The following ZWINT variants were observed in gnomAD, a reference collection of about 807,000 sequenced individuals.
The protein encoded by ZWINT is outer kinetochore KNL1 complex subunit ZWINT.
Under a neutral mutation model 41.5 loss-of-function variants are expected in ZWINT, and 41 were observed. The ratio of observed to expected loss-of-function variants is 0.99; its 90% confidence interval spans 0.77 to 1.28. ZWINT has a LOEUF of 1.28. Ranked by LOEUF, ZWINT falls within the 50% of genes most tolerant of loss-of-function variation. The probability of loss-of-function intolerance (pLI) is 0.00; values close to 1 mark genes in which losing one functional copy is unlikely to be tolerated. For missense variants in ZWINT, 369 were observed against 329.7 expected (o/e 1.12, Z -0.92); for synonymous variants, 132 against 126.8 (o/e 1.04, Z -0.28).
intron 1 of ZWINT, 63 bp downstream of exon 1, chr10:56,361,133 C>T: frequency 1.3e-6 from 2 of 1,581,816 alleles, no homozygotes; most frequent in South Asian, 1.1e-5. Flanking sequence ...AATCATTACA[C>T]ATAGGGGCCC....
At position 56,358,841 on chromosome 10, in the gene ZWINT, T is replaced by C; in HGVS notation, c.587A>G (p.Lys196Arg). Residue 196 changes from lysine to arginine, a missense_variant, in exon 6 of 9, where the codon AAG (lysine) becomes AGG (arginine). Lys to Arg is a conservative substitution (Grantham distance 26, BLOSUM62 2). Coordinates refer to ENST00000373944, the MANE Select transcript of ZWINT (RefSeq NM_007057.4). ...GTCCCGCTCCTGTTCTGCCTGCTGC[T>C]TCAGGTTTCCAAGTTTCTGAAACAC... Reference protein sequence around the residue: ...DRVFQKLGNLKQQAEQERDKL... With the variant: ...DRVFQKLGNLRQQAEQERDKL... The C allele has an allele frequency of 6.2e-7, 1 of 1,614,092 alleles. No homozygotes were observed.
intron 5 of ZWINT, 78 bp downstream of exon 5, chr10:56,359,398 G>A (rs1838260927): frequency 5.0e-6 from 7 of 1,388,676 alleles, no homozygotes; most frequent in East Asian, 2.3e-5. Flanking sequence ...GAAGCAAAAC[G>A]GTTTTCTAGA....
At chr10:56,359,980 C>G (rs780683643) in intron 3 of ZWINT, 38 bp downstream of exon 3, 1 of 1,610,498 alleles carries the variant, frequency 6.2e-7, no homozygotes, top group Admixed American at 1.7e-5. Context: ...TCCTTCCCCA[C>G]TCAGGTCAGC....
chr10:56,359,930 T>C, intron 3 of ZWINT, 77 bp from the exon 4 acceptor site: 1 of 1,605,424 alleles, frequency 6.2e-7, no homozygotes, highest in South Asian at 1.1e-5. Flanking sequence ...CTGGGCCTCC[T>C]TCCCATCAGC....
chr10:56,360,419 C>T (rs1007574242), intron 1 of ZWINT, 36 bp from the exon 2 acceptor site: 7 of 1,567,540 alleles, frequency 4.5e-6, no homozygotes, highest in South Asian at 1.1e-5. Context: ...ATTGCAGTTT[C>T]TTGTGGTGCT....
At position 56,361,124 on chromosome 10, in the gene ZWINT, A is replaced by G. The variant is rs529648942; in HGVS notation, c.41+72T>C. 72 of 1,564,930 alleles carry G rather than the reference A, an allele frequency of 4.6e-5. 1 individual carries two copies. The African/African-American group carries it at 9.0e-4, about 20-fold the overall frequency. On this transcript the variant is annotated intron_variant, in intron 1 of 8. Transcript: ENST00000373944. ...CAGCTGTACAGGGTCGAGGGCACCA[A>G]TCATTACACATAGGGGCCCACAAGG... is the stretch of plus-strand genomic sequence containing the variant.
In ZWINT at chr10:56,358,013, A is replaced by C. The variant is rs1838210294; in HGVS notation, c.*214T>G. On this transcript the variant is annotated 3_prime_UTR_variant, in exon 9 of 9. Transcript: ENST00000373944. ...TTATTGGCTTCTGAGTATCTGTATTAATAGTTGTTCCTGCCAGCATATGAA... is the reference window on the plus strand; with the variant it reads ...TTATTGGCTTCTGAGTATCTGTATTCATAGTTGTTCCTGCCAGCATATGAA... The C allele has an allele frequency of 9.5e-6, 5 of 527,008 alleles. No homozygotes were observed. Among genetic ancestry groups the C allele is most frequent in the South Asian group, 5.7e-5 (4 of 70,134 alleles). The allele number at this position is 527,008 out of a possible 1,614,324, so 32.6% of individuals were successfully genotyped here.
chr10:56,361,131 C>T, intron 1 of ZWINT, 65 bp downstream of exon 1: 6 of 1,577,640 alleles, frequency 3.8e-6, no homozygotes, highest in Non-Finnish European at 5.2e-6. Flanking sequence ...CCAATCATTA[C>T]ACATAGGGGC....
At chr10:56,358,218 G>A (rs761787171) in intron 8 of ZWINT, 33 bp from the exon 9 acceptor site, 2 of 794,958 alleles carry the variant, frequency 2.5e-6, no homozygotes, top group East Asian at 2.5e-5. Context: ...GCTCTGGGTG[G>A]GCTAAGCATG....
Position 56,357,402 on chromosome 10 carries a change from G to C in ZWINT, c.*825C>G, listed in dbSNP as rs1300986535. The C allele has an allele frequency of 6.6e-6, 1 of 152,132 alleles. No homozygotes were observed. Among genetic ancestry groups the C allele is most frequent in the Non-Finnish European group, 1.5e-5 (1 of 68,026 alleles). The allele number at this position is 152,132 out of a possible 1,614,324, so 9.4% of individuals were successfully genotyped here. ...TATAACAGAATATAGGAAATGCTAT[G>C]AATTGAATGATTGTGAAAATAAAGG... On this transcript the variant is annotated 3_prime_UTR_variant, in exon 9 of 9. Transcript: ENST00000373944.
chr10:56,360,712 G>A (rs1838309719), intron 1 of ZWINT, among the ~76,000 whole-genome samples: 1 of 152,234 alleles, frequency 6.6e-6, no homozygotes, highest in African/African-American at 2.4e-5. Flanking sequence ...AAGCCAGGGA[G>A]ATATGCAAGG....
intron 5 of ZWINT, among the ~76,000 whole-genome samples, chr10:56,359,172 T>C (rs1274284011): frequency 6.6e-6 from 1 of 152,106 alleles, no homozygotes; most frequent in Admixed American, 6.5e-5. Flanking sequence ...GTGATAACAC[T>C]TATTTAACTT....
intron 1 of ZWINT, among the ~76,000 whole-genome samples, chr10:56,360,777 G>A (rs893009916): frequency 6.6e-6 from 1 of 152,188 alleles, no homozygotes; most frequent in Admixed American, 6.5e-5. Context: ...ACCAGCCTTG[G>A]GGCAGAGTCT....
rs1459424257 is a variant in ZWINT at position 56,359,687 on chromosome 10, C to T, written c.423G>A (p.Lys141=). The T allele has an allele frequency of 1.9e-6, 3 of 1,614,146 alleles. No homozygotes were observed. Among genetic ancestry groups the T allele is most frequent in the Admixed American group, 1.7e-5 (1 of 60,018 alleles). ...CTGTACTCAAGACCCCTGGGTGTAC[C>T]TTGGCCTGGAGCTGCTCAAAGGCTT... ...LREAFEQLQA[K]KQMAMEKRRA... The change falls in exon 4 of 9, where the codon AAG becomes AAA. Residue 141 remains lysine, a splice_region_variant and synonymous_variant. Coordinates refer to ENST00000373944, the MANE Select transcript of ZWINT (RefSeq NM_007057.4).
rs1040811626 is a variant in ZWINT, at chr10:56,361,217, T to C, written c.20A>G (p.Glu7Gly). 3 of 1,612,844 alleles carry C rather than the reference T, an allele frequency of 1.9e-6. No individual in the cohort carries two copies. The highest frequency in any genetic ancestry group is 2.2e-5 in the East Asian group (1 of 44,874). Residue 7 changes from glutamate to glycine, a missense_variant, in exon 1 of 9, where the codon GAG becomes GGG. Glu to Gly is a moderately conservative substitution (Grantham distance 98). Transcript: ENST00000373944. Reference sequence around the variant, plus strand: ...TTACTCTAGGGCTGCAGCTTCCGCCTCTGTCTCCGCTGCCTCCATCTTTCC... The same window carrying C: ...TTACTCTAGGGCTGCAGCTTCCGCCCCTGTCTCCGCTGCCTCCATCTTTCC... MEAAET[E>G]AEAAALEVLA...
rs200966787 is a variant in ZWINT at position 56,358,797 on chromosome 10, G to A, written c.623+8C>T. ...TTTTGAATCTGCAGCCCATGCTCCC[G>A]AACTTACCTCTGCAGCTTGTCCCGC... On this transcript the variant is annotated splice_region_variant and intron_variant, in intron 6 of 8. Transcript: ENST00000373944. 653 of 1,614,010 alleles carry A rather than the reference G, an allele frequency of 4.0e-4. No homozygotes were observed. Among genetic ancestry groups the A allele is most frequent in the Middle Eastern group, 1.6e-3 (10 of 6,062 alleles).
chr10:56,360,814 C>T (rs550196601), intron 1 of ZWINT, among the ~76,000 whole-genome samples: 1 of 152,082 alleles, frequency 6.6e-6, no homozygotes, highest in African/African-American at 2.4e-5. Flanking sequence ...GGACTCAGGG[C>T]AGAGGGCTGG....
rs756168772 is a variant in ZWINT, at chr10:56,361,149, G to A, written c.41+47C>T. ...ATCATTACACATAGGGGCCCACAAGGTCCTCCCAGGCCCGGCCCCAGCTGC... is the reference window on the plus strand; with the variant it reads ...ATCATTACACATAGGGGCCCACAAGATCCTCCCAGGCCCGGCCCCAGCTGC... On this transcript the variant is annotated intron_variant, in intron 1 of 8. Transcript: ENST00000373944. The A allele has an allele frequency of 3.1e-6, 5 of 1,609,286 alleles. No homozygotes were observed. In the South Asian group the frequency reaches 5.5e-5, roughly 18 times the overall value.
chr10:56,359,430 T>C (rs778807461), intron 5 of ZWINT, 46 bp downstream of exon 5: 1 of 1,494,370 alleles, frequency 6.7e-7, no homozygotes, highest in African/African-American at 1.4e-5. Context: ...GCCGATACAA[T>C]GGCATGGTGG....
Sources: allele counts gnomAD v4.1 joint callset (sites outside exome capture counted in the v4.1 genomes callset), GRCh38; gene constraint gnomAD v4.1.1; transcripts MANE v1.5; gene names NCBI Gene and HGNC (gene_info 2026-07-23, HGNC 2026-07-21).